The following SLC6A19 variants were observed in gnomAD, a reference collection of about 807,000 sequenced individuals.
SLC6A19 encodes solute carrier family 6 member 19, also known as sodium-dependent neutral amino acid transporter B(0)AT1.
Under a neutral mutation model 68.3 loss-of-function variants are expected in SLC6A19, and 67 were observed. The observed-to-expected ratio is 0.98, with a 90% CI of 0.81 to 1.20. SLC6A19 has a LOEUF of 1.20. SLC6A19 is among the 50% of genes most tolerant of loss of function. SLC6A19 has a pLI of 0.00. For synonymous variants in SLC6A19, 392 were observed against 374.9 expected (o/e 1.05, Z -0.53); for missense variants, 813 against 851.6 (o/e 0.95, Z 0.56).
intron 1 of SLC6A19, among the ~76,000 whole-genome samples, chr5:1,204,055 A>G (rs886822375): frequency 3.9e-5 from 6 of 152,130 alleles, no homozygotes; most frequent in African/African-American, 1.2e-4. Flanking sequence ...TGTGCATCTT[A>G]GTGAGGGCCC....
intron 1 of SLC6A19, among the ~76,000 whole-genome samples, chr5:1,206,857 G>C (rs531563470): frequency 6.6e-6 from 1 of 152,194 alleles, no homozygotes; most frequent in South Asian, 2.1e-4. Flanking sequence ...GACCCATGTC[G>C]GGATCAGGCT....
chr5:1,218,605 G>T (rs1746270434), intron 8 of SLC6A19, among the ~76,000 whole-genome samples: 1 of 152,248 alleles, frequency 6.6e-6, no homozygotes, highest in Non-Finnish European at 1.5e-5. Flanking sequence ...CAGCTGCACT[G>T]GATCAGGGCT....
chr5:1,214,149 A>T lies in SLC6A19; in HGVS notation c.887+84A>T, dbSNP rs6554663. Reference sequence around the variant, plus strand: ...GAGGATAAAAGACAAGGTGGAAAGCACTCTGTGGCTGTGTGGCCGGGGCCT... The same window carrying T: ...GAGGATAAAAGACAAGGTGGAAAGCTCTCTGTGGCTGTGTGGCCGGGGCCT... On this transcript the variant is annotated intron_variant, in intron 6 of 11. Transcript: ENST00000304460. The surrounding 1 kb of genome is among the most constrained non-coding windows in gnomAD (Gnocchi z 7.4). The T allele has an allele frequency of 2.5e-6, 4 of 1,597,178 alleles. No individual in the cohort carries two copies. Among genetic ancestry groups the T allele is most frequent in the Non-Finnish European group, 3.4e-6 (4 of 1,172,398 alleles).
At chr5:1,202,716 C>G (rs566676301) in intron 1 of SLC6A19, among the ~76,000 whole-genome samples, 1 of 152,164 alleles carries the variant, frequency 6.6e-6, no homozygotes. Flanking sequence ...TCTCAGCCTC[C>G]GTTTAGAGGA....
At chr5:1,216,755 C>T in intron 7 of SLC6A19, 34 bp from the exon 8 acceptor site, 2 of 1,613,696 alleles carry the variant, frequency 1.2e-6, no homozygotes, top group South Asian at 1.1e-5. Flanking sequence ...CCTCCCTGGC[C>T]CCAGGTGGCC....
intron 3 of SLC6A19, among the ~76,000 whole-genome samples, chr5:1,211,546 G>T (rs190195513): frequency 6.6e-6 from 1 of 152,238 alleles, no homozygotes; most frequent in Non-Finnish European, 1.5e-5. Context: ...ATGTGTGCTC[G>T]TGTGCTCACA....
chr5:1,224,658 G>C lies in SLC6A19; in HGVS notation c.*2754G>C, dbSNP rs1746494638. On this transcript the variant is annotated 3_prime_UTR_variant, in exon 12 of 12. Coordinates refer to ENST00000304460, the MANE Select transcript of SLC6A19 (RefSeq NM_001003841.3). ...CTGCCCTGGGACTCATGGATTTGGAGTTGTGGCCACACGGTTGAGGGGTGC... is the reference window on the plus strand; with the variant it reads ...CTGCCCTGGGACTCATGGATTTGGACTTGTGGCCACACGGTTGAGGGGTGC... The C allele has an allele frequency of 6.6e-6, 1 of 152,354 alleles. No individual in the cohort carries two copies. The highest frequency in any genetic ancestry group is 2.4e-5 in the African/African-American group (1 of 41,478). 9.4% of individuals were successfully genotyped at this position (152,354 alleles called of 1,614,324 possible). A position where few individuals can be genotyped will look rare whatever the true frequency, so the allele number is the denominator to read the frequency against.
chr5:1,217,019 G>T, intron 8 of SLC6A19, 74 bp downstream of exon 8: 1 of 1,605,444 alleles, frequency 6.2e-7, no homozygotes, highest in South Asian at 1.1e-5. Context: ...CCACCCCTGG[G>T]CCCCTGGCCT....
At chr5:1,213,864 A>T in intron 5 of SLC6A19, 89 bp from the exon 6 acceptor site, 1 of 1,587,858 alleles carries the variant, frequency 6.3e-7, no homozygotes. Flanking sequence ...AATAGCCTCG[A>T]CCCTCCCCGC....
In SLC6A19 at chr5:1,201,690, C is replaced by T. The variant is rs754340294; in HGVS notation, c.40C>T (p.Arg14Trp). ...GCTGCCCAACCCCGGCCTAGACGCCCGGATCCCGTCCCTGGCTGAGCTGGA... is the reference window on the plus strand; with the variant it reads ...GCTGCCCAACCCCGGCCTAGACGCCTGGATCCCGTCCCTGGCTGAGCTGGA... ...LVLPNPGLDA[R>W]IPSLAELETI... is the part of the protein sequence containing the mutation. The change falls in exon 1 of 12, where the codon CGG becomes TGG. Residue 14 changes from arginine to tryptophan, a missense_variant. Physicochemically the swap from Arg to Trp is moderately radical, Grantham distance 101 (BLOSUM62 -3). Transcript: ENST00000304460. 67 of 1,610,656 alleles carry T rather than the reference C, an allele frequency of 4.2e-5. No individual in the cohort carries two copies. In the Middle Eastern group the frequency reaches 6.7e-4, roughly 16 times the overall value.
Position 1,213,406 on chromosome 5 carries a change from C to T in SLC6A19, c.664-57C>T, listed in dbSNP as rs570921426. On this transcript the variant is annotated intron_variant, in intron 4 of 11. Coordinates refer to ENST00000304460, the MANE Select transcript of SLC6A19 (RefSeq NM_001003841.3). Reference sequence around the variant, plus strand: ...ATGCCCCGCCCCCACGTGCCGCCCCCACCGCATGCCTGGCCCCCCAACTTC... The same window carrying T: ...ATGCCCCGCCCCCACGTGCCGCCCCTACCGCATGCCTGGCCCCCCAACTTC... 9.9e-5 allele frequency: 107 copies of T among 1,078,972 alleles called. No individual in the cohort carries two copies. The African/African-American group carries it at 2.4e-3, about 24-fold the overall frequency. The allele number at this position is 1,078,972 out of a possible 1,614,324, so 66.8% of individuals were successfully genotyped here.
chr5:1,220,895 C>T (rs558885838), intron 10 of SLC6A19, among the ~76,000 whole-genome samples: 99 of 152,260 alleles, frequency 6.5e-4, no homozygotes, highest in African/African-American at 2.1e-3. Flanking sequence ...TGGGTGAGGG[C>T]GGGGCACCTC....
chr5:1,208,912 C>G (rs537565167), intron 2 of SLC6A19, 26 bp downstream of exon 2: 7 of 1,598,366 alleles, frequency 4.4e-6, no homozygotes, highest in Admixed American at 3.4e-5. Flanking sequence ...CAGTTCCACC[C>G]GGGCCCAGGG....
intron 2 of SLC6A19, among the ~76,000 whole-genome samples, 169 bp from the exon 3 acceptor site, chr5:1,210,275 G>A (rs372125969): frequency 1.3e-4 from 20 of 152,368 alleles, no homozygotes; most frequent in African/African-American, 4.1e-4. Context: ...GCTGCACCAC[G>A]GCATCAGCTG....
At chr5:1,205,489 TGG>T (rs1745828691) in intron 1 of SLC6A19, among the ~76,000 whole-genome samples, 1 of 152,180 alleles carries the variant, frequency 6.6e-6, no homozygotes, top group African/African-American at 2.4e-5. Flanking sequence ...CCCCAGGGGT[TGG>T]GGATTTGAGG....
Position 1,212,380 on chromosome 5 carries a change from A to G in SLC6A19, c.559A>G (p.Ile187Val), listed in dbSNP as rs1323137918. The change falls in exon 4 of 12, where the codon ATC becomes GTC. Residue 187 changes from isoleucine (I) to valine (V), a missense_variant. Physicochemically the swap from Ile to Val is conservative, Grantham distance 29. Coordinates refer to ENST00000304460, the MANE Select transcript of SLC6A19 (RefSeq NM_001003841.3). This position sits in a 1 kb window ranked among gnomAD's most constrained non-coding sequence, Gnocchi z 5.1. ...AGAGACGCTCAACATCTCCACGTCC[A>G]TCAGCGACTCGGGCTCCATCCAGTG... The part of the protein sequence containing the change: ...YRETLNISTS[I>V]SDSGSIQWWM... The G allele has an allele frequency of 6.2e-7, 1 of 1,613,480 alleles. No individual in the cohort carries two copies. Among genetic ancestry groups the G allele is most frequent in the South Asian group, 1.1e-5 (1 of 91,084 alleles).
intron 11 of SLC6A19, 75 bp from the exon 12 acceptor site, chr5:1,221,626 G>C: frequency 6.4e-7 from 1 of 1,569,246 alleles, no homozygotes. Flanking sequence ...GAGTCATGGG[G>C]TGAGGGGCCT....
rs1204863869 is a variant in SLC6A19, at chr5:1,219,491, C to T, written c.1379-14C>T. Reference sequence around the variant, plus strand: ...CCCCTGGGCGTGTGAGCAGCTCTGTCCCCCGGCCTGCAGGCCTCATCTGCC... The same window carrying T: ...CCCCTGGGCGTGTGAGCAGCTCTGTTCCCCGGCCTGCAGGCCTCATCTGCC... On this transcript the variant is annotated splice_polypyrimidine_tract_variant and intron_variant, in intron 9 of 11. Coordinates refer to ENST00000304460, the MANE Select transcript of SLC6A19 (RefSeq NM_001003841.3). 10 of 1,608,330 alleles carry T rather than the reference C, an allele frequency of 6.2e-6. No homozygotes were observed. The highest frequency in any genetic ancestry group is 1.3e-5 in the African/African-American group (1 of 74,632).
rs1052563274 is a variant in SLC6A19, at chr5:1,222,995, TC to T, written c.*1095del. On this transcript the variant is annotated 3_prime_UTR_variant, in exon 12 of 12. Coordinates refer to ENST00000304460, the MANE Select transcript of SLC6A19 (RefSeq NM_001003841.3). ...GACTCTTGCTACCCACCCCCACCCA[TC>T]CCCTTCCCCTTGGTGTTGACCTTTG... 2 of 144,464 alleles carry T rather than the reference TC, an allele frequency of 1.4e-5. No homozygotes were observed. The highest frequency in any genetic ancestry group is 1.5e-5 in the Non-Finnish European group (1 of 65,192). 8.9% of individuals were successfully genotyped at this position (144,464 alleles called of 1,614,324 possible). A position where few individuals can be genotyped will look rare whatever the true frequency, so the allele number is the denominator to read the frequency against.
Sources: allele counts gnomAD v4.1 joint callset (sites outside exome capture counted in the v4.1 genomes callset), GRCh38; gene constraint gnomAD v4.1.1; non-coding constraint Gnocchi (gnomAD v3.1); transcripts MANE v1.5; gene names NCBI Gene and HGNC (gene_info 2026-07-23, HGNC 2026-07-21).